FRMD3: variants seen among roughly 807,000 people sequenced by gnomAD.
The protein encoded by FRMD3 is FERM domain containing 3, also known as FERM domain-containing protein 3.
FRMD3 carries 33 observed loss-of-function variants against 70.2 expected under a neutral mutation model. The observed-to-expected ratio is 0.47, with a 90% CI of 0.36 to 0.63. The LOEUF (loss-of-function observed/expected upper bound fraction) is 0.63, where lower values mean the gene tolerates loss of function less well. FRMD3 is among the 20% of genes least tolerant of loss of function. The pLI is 0.00. For synonymous variants in FRMD3, 279 were observed against 255.9 expected (o/e 1.09, Z -0.86); for missense variants, 632 against 711.4 (o/e 0.89, Z 1.27).
At position 83,366,333 on chromosome 9, in the gene FRMD3, G is replaced by A. The variant is rs181858668; in HGVS notation, c.295+6580C>T. Reference sequence around the variant, plus strand: ...CGCCTGTAATCCCAGCACTTTGGGAGGCTGAGGTGGGAGGATCACCTGAGT... The same window carrying A: ...CGCCTGTAATCCCAGCACTTTGGGAAGCTGAGGTGGGAGGATCACCTGAGT... On this transcript the variant is annotated intron_variant, in intron 3 of 13. Coordinates refer to ENST00000304195, the MANE Select transcript of FRMD3 (RefSeq NM_174938.6). Among the ~76,000 whole-genome samples the A allele has an allele frequency of 3.0e-3, 454 of 152,260 alleles. 1 individual carries two copies. The highest frequency in any genetic ancestry group is 0.01 in the African/African-American group (429 of 41,550).
At position 83,490,798 on chromosome 9, in the gene FRMD3, TCA is replaced by T. The variant is rs60065758; in HGVS notation, c.147+47285_147+47286del. 3.1e-3 allele frequency among the ~76,000 whole-genome samples: 339 copies of T among 110,762 alleles called. 1 individual carries two copies. The highest frequency in any genetic ancestry group is 9.8e-3 in the African/African-American group (265 of 27,172). 72.7% of individuals were successfully genotyped at this position (110,762 alleles called of 152,430 possible). A position where few individuals can be genotyped will look rare whatever the true frequency, so the allele number is the denominator to read the frequency against. Reference sequence around the variant, plus strand: ...CTCTCTCTCTCTCTCTCTCTCTCTCTCACACACACACACACACACACACACAC... The same window carrying T: ...CTCTCTCTCTCTCTCTCTCTCTCTCTCACACACACACACACACACACACAC... On this transcript the variant is annotated intron_variant, in intron 1 of 13. Transcript: ENST00000304195.
At chr9:83,282,627 T>G (rs1377162391) in intron 13 of FRMD3, among the ~76,000 whole-genome samples, 1 of 152,056 alleles carries the variant, frequency 6.6e-6, no homozygotes, top group Non-Finnish European at 1.5e-5. Context: ...AATCCAATCT[T>G]CTTGTTTTGT....
Position 83,383,866 on chromosome 9 carries a change from A to C in FRMD3, c.252+5738T>G, listed in dbSNP as rs528905048. Among the ~76,000 whole-genome samples, 4 of 152,336 alleles carry C rather than the reference A, an allele frequency of 2.6e-5. No individual in the cohort carries two copies. In the South Asian group the frequency reaches 8.3e-4, roughly 32 times the overall value. On this transcript the variant is annotated intron_variant, in intron 2 of 13. Transcript: ENST00000304195. ...GACTTCTAGATGGCAACATTTTATC[A>C]AGCATCCATTTCCCTCCTCAGGAGA...
intron 1 of FRMD3, among the ~76,000 whole-genome samples, chr9:83,487,514 C>T (rs1471274030): frequency 1.3e-5 from 2 of 152,146 alleles, no homozygotes; most frequent in South Asian, 2.1e-4. Flanking sequence ...AATAACAGAT[C>T]TCCAAGATAC....
Position 83,419,289 on chromosome 9 carries a change from T to A in FRMD3, c.148-29581A>T, listed in dbSNP as rs534408659. ...TTGTACCCCAAAAACTATTAAAAAA[T>A]TTTTTAAAGGTTTGCCCAAATAAGA... On this transcript the variant is annotated intron_variant, in intron 1 of 13. Coordinates refer to ENST00000304195, the MANE Select transcript of FRMD3 (RefSeq NM_174938.6). Among the ~76,000 whole-genome samples, 11 of 152,234 alleles carry A rather than the reference T, an allele frequency of 7.2e-5. No individual in the cohort carries two copies. In the East Asian group the frequency reaches 7.7e-4, roughly 11 times the overall value.
chr9:83,305,500 A>T (rs1835094177), intron 10 of FRMD3, among the ~76,000 whole-genome samples: 1 of 152,142 alleles, frequency 6.6e-6, no homozygotes, highest in Non-Finnish European at 1.5e-5. Context: ...CAAGACTTAG[A>T]ACCAAGCCCA....
intron 1 of FRMD3, among the ~76,000 whole-genome samples, chr9:83,479,624 AAAGGAAGGAAGG>A (rs1175480479): frequency 1.2e-3 from 76 of 61,458 alleles, no homozygotes; most frequent in African/African-American, 4.2e-3. Flanking sequence ...GACCCTGAAG[AAAGGAAGGAAGG>A]AAGGAAGGAA....
chr9:83,343,675 C>T (rs552477063), intron 4 of FRMD3, among the ~76,000 whole-genome samples: 32 of 152,324 alleles, frequency 2.1e-4, no homozygotes, highest in African/African-American at 5.5e-4. Flanking sequence ...CTGTTTCAAA[C>T]GGAGAGCCAG....
chr9:83,452,517 C>T (rs888774288), intron 1 of FRMD3, among the ~76,000 whole-genome samples: 4 of 151,688 alleles, frequency 2.6e-5, no homozygotes, highest in Non-Finnish European at 5.9e-5. Context: ...AGTCTCGCTC[C>T]GTCGCCCAGG....
chr9:83,513,769 A>G (rs1200697186), intron 1 of FRMD3, among the ~76,000 whole-genome samples: 1 of 152,160 alleles, frequency 6.6e-6, no homozygotes, highest in Non-Finnish European at 1.5e-5. Context: ...TACCCAGTTC[A>G]TCTCATTGGA....
chr9:83,380,601 G>A (rs1370504239), intron 2 of FRMD3, among the ~76,000 whole-genome samples: 8 of 152,234 alleles, frequency 5.3e-5, no homozygotes, highest in Non-Finnish European at 7.4e-5. Context: ...AGGTGGGTAT[G>A]GGGTGGTACT....
chr9:83,273,014 G>GGT (rs1411689170), intron 13 of FRMD3, among the ~76,000 whole-genome samples: 2 of 147,148 alleles, frequency 1.4e-5, no homozygotes, highest in Admixed American at 1.3e-4. Flanking sequence ...GAGGTGGGGG[G>GGT]CAGCCCCCAC....
intron 1 of FRMD3, among the ~76,000 whole-genome samples, chr9:83,525,159 G>A (rs762506760): frequency 2.6e-5 from 4 of 152,088 alleles, no homozygotes; most frequent in South Asian, 2.1e-4. Flanking sequence ...CCAGATTAAC[G>A]TTTAGCATCA....
At chr9:83,521,943 A>G (rs1829580305) in intron 1 of FRMD3, among the ~76,000 whole-genome samples, 1 of 152,154 alleles carries the variant, frequency 6.6e-6, no homozygotes, top group African/African-American at 2.4e-5. Context: ...CTCAGGTATC[A>G]TCTACTCCAG....
At chr9:83,497,861 T>G (rs1828976446) in intron 1 of FRMD3, among the ~76,000 whole-genome samples, 1 of 152,136 alleles carries the variant, frequency 6.6e-6, no homozygotes, top group African/African-American at 2.4e-5. Flanking sequence ...TAGGATGAAT[T>G]TTTTGGCCAG....
At chr9:83,387,770 C>T (rs556068885) in intron 2 of FRMD3, among the ~76,000 whole-genome samples, 17 of 152,302 alleles carry the variant, frequency 1.1e-4, no homozygotes, top group Middle Eastern at 6.8e-3. Flanking sequence ...AAAGTTATGG[C>T]TATGAATGTC....
intron 12 of FRMD3, among the ~76,000 whole-genome samples, chr9:83,296,505 C>A (rs1438279852): frequency 6.6e-6 from 1 of 152,178 alleles, no homozygotes; most frequent in Non-Finnish European, 1.5e-5. Context: ...CAAGAGGTTG[C>A]TTTGTAGCAT....
downstream of FRMD3, among the ~76,000 whole-genome samples, chr9:83,243,756 A>ACTT (rs10639401): frequency 0.052 from 7,964 of 151,958 alleles, 665 homozygotes; most frequent in East Asian, 0.42. Context: ...ATTCTGCTTG[A>ACTT]CTTCTATTGT....
At chr9:83,456,687 A>G (rs1389546494) in intron 1 of FRMD3, among the ~76,000 whole-genome samples, 4 of 152,220 alleles carry the variant, frequency 2.6e-5, no homozygotes, top group African/African-American at 4.8e-5. Context: ...AGTGTAACTT[A>G]AAACAATACA....
Sources: allele counts gnomAD v4.1 joint callset (sites outside exome capture counted in the v4.1 genomes callset), GRCh38; gene constraint gnomAD v4.1.1; transcripts MANE v1.5; gene names NCBI Gene and HGNC (gene_info 2026-07-23, HGNC 2026-07-21).